Variants in DPP10 observed in about 807,000 individuals in gnomAD.
DPP10 encodes the protein dipeptidyl peptidase like 10.
A neutral mutation model predicts 120.9 loss-of-function variants in DPP10; 33 were observed. The observed-to-expected ratio is 0.27, with a 90% CI of 0.21 to 0.37. DPP10 has a LOEUF of 0.37. DPP10 is among the 10% of genes least tolerant of loss of function. The pLI, the probability that DPP10 is intolerant of heterozygous loss-of-function variation, is 1.00. For missense variants in DPP10, 816 were observed against 942.8 expected (o/e 0.87, Z 1.76); for synonymous variants, 337 against 326.1 (o/e 1.03, Z -0.36).
At chr2:115,717,977 G>T (rs563261224) in intron 7 of DPP10, among the ~76,000 whole-genome samples, 3 of 152,184 alleles carry the variant, frequency 2.0e-5, no homozygotes, top group Non-Finnish European at 4.4e-5. Flanking sequence ...AATAGAAAGG[G>T]AAGTCAGATG....
At chr2:114,615,730 G>T (rs1693627402) in intron 1 of DPP10, among the ~76,000 whole-genome samples, 1 of 152,094 alleles carries the variant, frequency 6.6e-6, no homozygotes, top group Non-Finnish European at 1.5e-5. Context: ...AAAGATAATT[G>T]TACTTGTAGG....
chr2:115,221,999 G>GT (rs974968656), intron 1 of DPP10, among the ~76,000 whole-genome samples: 10 of 152,146 alleles, frequency 6.6e-5, no homozygotes, highest in African/African-American at 9.6e-5. Flanking sequence ...GATTTGGAGA[G>GT]TTTTTTCACC....
At chr2:114,568,003 G>T (rs1488022032) in intron 1 of DPP10, among the ~76,000 whole-genome samples, 1 of 146,070 alleles carries the variant, frequency 6.8e-6, no homozygotes, top group Non-Finnish European at 1.5e-5. Flanking sequence ...TCCTGCACAT[G>T]TACCCTGGAA....
At chr2:115,586,151 C>T (rs1272096452) in intron 5 of DPP10, among the ~76,000 whole-genome samples, 3 of 151,924 alleles carry the variant, frequency 2.0e-5, no homozygotes, top group East Asian at 1.9e-4. Flanking sequence ...GGCGAAACCC[C>T]GTCTCTACTA....
chr2:115,141,667 G>A (rs562390427), intron 1 of DPP10, among the ~76,000 whole-genome samples: 1 of 152,304 alleles, frequency 6.6e-6, no homozygotes, highest in African/African-American at 2.4e-5. Flanking sequence ...AGGAGTGTAA[G>A]CTTTATGAGG....
At chr2:115,264,844 A>G (rs2059395610) in intron 1 of DPP10, among the ~76,000 whole-genome samples, 1 of 152,164 alleles carries the variant, frequency 6.6e-6, no homozygotes, top group South Asian at 2.1e-4. Context: ...GATGATTGTG[A>G]AAAGTGGGTA....
intron 1 of DPP10, among the ~76,000 whole-genome samples, chr2:114,671,704 C>T (rs893450531): frequency 6.6e-6 from 1 of 151,988 alleles, no homozygotes. Flanking sequence ...GCAGGGCTTT[C>T]AGGATTTTGC....
intron 1 of DPP10, among the ~76,000 whole-genome samples, chr2:114,591,295 A>G (rs995238550): frequency 1.3e-5 from 2 of 152,220 alleles, no homozygotes; most frequent in Admixed American, 6.5e-5. Flanking sequence ...ATGCATTTGC[A>G]TTTTGAAGCA....
intron 7 of DPP10, among the ~76,000 whole-genome samples, chr2:115,713,716 T>C (rs2092402803): frequency 6.6e-6 from 1 of 152,212 alleles, no homozygotes; most frequent in South Asian, 2.1e-4. Context: ...AGAATCTGGG[T>C]GTACTTCCTC....
intron 1 of DPP10, among the ~76,000 whole-genome samples, chr2:114,788,497 C>T (rs1682960137): frequency 6.6e-6 from 1 of 151,362 alleles, no homozygotes; most frequent in Non-Finnish European, 1.5e-5. Context: ...CTCACTGCAA[C>T]TTCTGCCTCC....
chr2:115,101,731 A>T (rs2048699846), intron 1 of DPP10, among the ~76,000 whole-genome samples: 1 of 152,068 alleles, frequency 6.6e-6, no homozygotes, highest in South Asian at 2.1e-4. Context: ...AGATAACTGG[A>T]CTCCTAAAAA....
At chr2:114,890,051 A>C (rs1692411804) in intron 1 of DPP10, among the ~76,000 whole-genome samples, 1 of 152,236 alleles carries the variant, frequency 6.6e-6, no homozygotes, top group South Asian at 2.1e-4. Context: ...CAGATGAATA[A>C]GTCATGTCTC....
At chr2:115,013,357 G>C (rs1702397363) in intron 1 of DPP10, among the ~76,000 whole-genome samples, 1 of 152,134 alleles carries the variant, frequency 6.6e-6, no homozygotes, top group Non-Finnish European at 1.5e-5. Flanking sequence ...TTTCTGCAGA[G>C]ATATCCACTG....
intron 3 of DPP10, among the ~76,000 whole-genome samples, chr2:115,348,266 T>A (rs916180081): frequency 2.6e-5 from 4 of 152,150 alleles, no homozygotes; most frequent in Non-Finnish European, 5.9e-5. Context: ...TACATTCATG[T>A]AGTGGTAACT....
At chr2:115,202,680 T>C (rs1348651450) in intron 1 of DPP10, among the ~76,000 whole-genome samples, 1 of 152,210 alleles carries the variant, frequency 6.6e-6, no homozygotes, top group East Asian at 1.9e-4. Context: ...CACTGTCCAA[T>C]AGCACTTTCT....
chr2:115,194,517 A>C (rs1311056882), intron 1 of DPP10, among the ~76,000 whole-genome samples: 1 of 152,178 alleles, frequency 6.6e-6, no homozygotes, highest in African/African-American at 2.4e-5. Context: ...GTTTACACTG[A>C]CAAAAAGATG....
rs372167382 is a variant in DPP10 at position 114,927,592 on chromosome 2, C to A, written c.61-381647C>A. 1.2e-4 allele frequency among the ~76,000 whole-genome samples: 18 copies of A among 152,226 alleles called. No homozygotes were observed. The East Asian group carries it at 2.1e-3, about 18-fold the overall frequency. ...AAAGAGGGCAATCGGAATATGCATC[C>A]ATCTCTGTGAGCAGCAGGATGACTT... On this transcript the variant is annotated intron_variant, in intron 1 of 25. Coordinates refer to ENST00000410059, the MANE Select transcript of DPP10 (RefSeq NM_020868.6).
rs559391408 is a variant in DPP10, at chr2:115,752,723, T to C, written c.951-451T>C. Among the ~76,000 whole-genome samples, 3 of 152,274 alleles carry C rather than the reference T, an allele frequency of 2.0e-5. No individual in the cohort carries two copies. The South Asian group carries it at 6.2e-4, about 32-fold the overall frequency. On this transcript the variant is annotated intron_variant, in intron 10 of 25. Transcript: ENST00000410059. Reference sequence around the variant, plus strand: ...CCAGGAATAATCTTTGCCTTTTAACTGGAAGAGATTATTCTTGATGATTCA... The same window carrying C: ...CCAGGAATAATCTTTGCCTTTTAACCGGAAGAGATTATTCTTGATGATTCA...
intron 3 of DPP10, among the ~76,000 whole-genome samples, chr2:115,432,722 A>G (rs1022864151): frequency 4.9e-5 from 7 of 141,910 alleles, no homozygotes; most frequent in African/African-American, 1.3e-4. Context: ...GTGGTTATCA[A>G]TGGGGCAATG....
Sources: gnomAD v4.1 joint callset for allele counts (sites outside exome capture counted in the v4.1 genomes callset) on GRCh38, gnomAD v4.1.1 for gene constraint, MANE v1.5 for transcripts, NCBI Gene and HGNC (gene_info 2026-07-23, HGNC 2026-07-21) for gene names.